The following RYR2 variants were observed in gnomAD, a reference collection of about 807,000 sequenced individuals.
RYR2 encodes cardiac muscle ryanodine receptor-calcium release channel.
A neutral mutation model predicts 601.1 loss-of-function variants in RYR2; 227 were observed. The ratio of observed to expected loss-of-function variants is 0.38; its 90% CI spans 0.34 to 0.42. RYR2 has a LOEUF of 0.42. Among genes scored for constraint, RYR2 ranks in the 10% least tolerant of loss-of-function variants. The pLI is 1.00. For missense variants in RYR2, 4,646 were observed against 6,156.5 expected (o/e 0.75, Z 8.21); for synonymous variants, 2,223 against 2,175.1 (o/e 1.02, Z -0.61).
intron 93 of RYR2, chr1:237,791,860 A>G (rs748251302): frequency 6.2e-5 from 36 of 580,318 alleles, no homozygotes; most frequent in Non-Finnish European, 1.0e-4. Context: ...TAGCCATCTA[A>G]TTTTTTAGCA....
At chr1:237,318,688 T>G (rs74147238) in intron 2 of RYR2, among the ~76,000 whole-genome samples, 13,932 of 152,150 alleles carry the variant, frequency 0.092, 1,480 homozygotes, top group African/African-American at 0.25. Context: ...ATATATCCAT[T>G]TGATGGGATG....
At chr1:237,177,285 C>T (rs1678162811) in intron 1 of RYR2, among the ~76,000 whole-genome samples, 1 of 152,074 alleles carries the variant, frequency 6.6e-6, no homozygotes, top group African/African-American at 2.4e-5. Flanking sequence ...TTAAACTTTA[C>T]ATATTTAAAA....
chr1:237,245,624 A>G (rs760491017), intron 1 of RYR2, among the ~76,000 whole-genome samples: 4 of 152,180 alleles, frequency 2.6e-5, no homozygotes, highest in Non-Finnish European at 5.9e-5. Flanking sequence ...CAACAAAGAT[A>G]ATGTTGGGAA....
rs1663654908 is a variant in RYR2, at chr1:237,830,517, C to A, written c.14656-13C>A. On this transcript the variant is annotated splice_polypyrimidine_tract_variant and intron_variant, in intron 102 of 104. Transcript: ENST00000366574. ...TCTGAACTCTGACGTTAATATTTCC[C>A]TTTGTTTTCTAGACCAAATGCTTCA... 3.9e-6 allele frequency: 6 copies of A among 1,526,114 alleles called. No homozygotes were observed. The highest frequency in any genetic ancestry group is 3.6e-6 in the Non-Finnish European group (4 of 1,099,742). 94.5% of individuals were successfully genotyped at this position (1,526,114 alleles called of 1,614,324 possible).
chr1:237,526,942 A>C (rs1464614612), intron 24 of RYR2, among the ~76,000 whole-genome samples: 2 of 152,166 alleles, frequency 1.3e-5, no homozygotes, highest in East Asian at 3.9e-4. Context: ...TAGGTCTTAC[A>C]TTTATATCTT....
intron 76 of RYR2, among the ~76,000 whole-genome samples, chr1:237,729,688 G>T (rs1230485797): frequency 6.6e-6 from 1 of 152,000 alleles, no homozygotes; most frequent in Non-Finnish European, 1.5e-5. Context: ...CTTCTCATCT[G>T]CACTGGTCTT....
At chr1:237,457,150 T>C (rs1485354517) in intron 16 of RYR2, among the ~76,000 whole-genome samples, 1 of 152,160 alleles carries the variant, frequency 6.6e-6, no homozygotes, top group East Asian at 1.9e-4. Context: ...GGGGCCTTTA[T>C]ATGGATGTGT....
intron 104 of RYR2, 88 bp downstream of exon 104, chr1:237,831,653 G>T: frequency 2.7e-6 from 2 of 752,032 alleles, no homozygotes; most frequent in Non-Finnish European, 2.2e-6. Context: ...AAACAGTGAG[G>T]CACGGAATTA....
At chr1:237,212,661 T>C (rs989328238) in intron 1 of RYR2, among the ~76,000 whole-genome samples, 1 of 152,156 alleles carries the variant, frequency 6.6e-6, no homozygotes, top group Non-Finnish European at 1.5e-5. Flanking sequence ...GCATGCACAT[T>C]TTAAAGTATT....
rs1657870980 is a variant in RYR2, at chr1:237,788,039, A to G, written c.13380A>G (p.Gln4460=). Residue 4460 remains glutamine (Q), a synonymous_variant, in exon 92 of 105, where the codon CAA becomes CAG. Coordinates refer to ENST00000366574, the MANE Select transcript of RYR2 (RefSeq NM_001035.3). ...EEKAKEDKGK[Q]KLRQLHTHRY... ...AAGCCAAGGAAGACAAGGGCAAACAAAAGTTGAGGCAGCTTCACACACACA... is the reference window on the plus strand; with the variant it reads ...AAGCCAAGGAAGACAAGGGCAAACAGAAGTTGAGGCAGCTTCACACACACA... 6.2e-7 allele frequency: 1 copy of G among 1,609,388 alleles called. No individual in the cohort carries two copies. Among genetic ancestry groups the G allele is most frequent in the South Asian group, 1.1e-5 (1 of 90,080 alleles).
At chr1:237,192,733 A>G (rs1680112847) in intron 1 of RYR2, among the ~76,000 whole-genome samples, 1 of 152,208 alleles carries the variant, frequency 6.6e-6, no homozygotes, top group Admixed American at 6.5e-5. Flanking sequence ...GGTTTAGAAC[A>G]GAGATACGTA....
intron 87 of RYR2, among the ~76,000 whole-genome samples, chr1:237,775,296 A>G (rs1694577882): frequency 6.6e-6 from 1 of 152,200 alleles, no homozygotes; most frequent in Non-Finnish European, 1.5e-5. Context: ...TGTCAAAACT[A>G]AGAAATTAAC....
At chr1:237,582,344 A>G (rs1559063285) in intron 29 of RYR2, among the ~76,000 whole-genome samples, 1 of 151,580 alleles carries the variant, frequency 6.6e-6, no homozygotes, top group African/African-American at 2.4e-5. Flanking sequence ...TCCTAACCTC[A>G]GATGATCTGC....
intron 74 of RYR2, among the ~76,000 whole-genome samples, chr1:237,724,558 T>C (rs1177259771): frequency 6.6e-6 from 1 of 151,958 alleles, no homozygotes; most frequent in African/African-American, 2.4e-5. Context: ...ATTTACGTTA[T>C]CTAATACCTT....
intron 1 of RYR2, among the ~76,000 whole-genome samples, chr1:237,188,516 A>G (rs1679613957): frequency 6.6e-6 from 1 of 152,156 alleles, no homozygotes; most frequent in Non-Finnish European, 1.5e-5. Flanking sequence ...TAAACCTCTG[A>G]GCTCAGTGCC....
intron 1 of RYR2, among the ~76,000 whole-genome samples, chr1:237,136,735 G>A (rs1438532145): frequency 1.3e-5 from 2 of 152,260 alleles, no homozygotes; most frequent in Non-Finnish European, 2.9e-5. Flanking sequence ...TGCTGAGCAG[G>A]CTGGGTGTGG....
chr1:237,530,086 T>G (rs1405036728), intron 24 of RYR2, among the ~76,000 whole-genome samples: 2 of 151,912 alleles, frequency 1.3e-5, no homozygotes, highest in Admixed American at 6.6e-5. Flanking sequence ...CCGAGATGGG[T>G]GGATCACGAG....
intron 29 of RYR2, among the ~76,000 whole-genome samples, chr1:237,580,454 G>T (rs1456270822): frequency 2.4e-5 from 3 of 126,920 alleles, no homozygotes; most frequent in Non-Finnish European, 5.0e-5. Flanking sequence ...ACTGCGCCAG[G>T]CCCCAACAAT....
At chr1:237,490,469 T>A (rs1312314307) in intron 17 of RYR2, among the ~76,000 whole-genome samples, 1 of 152,212 alleles carries the variant, frequency 6.6e-6, no homozygotes, top group African/African-American at 2.4e-5. Context: ...GATTTTATTT[T>A]AGCACAGAAT....
Sources: allele counts gnomAD v4.1 joint callset (sites outside exome capture counted in the v4.1 genomes callset), GRCh38; gene constraint gnomAD v4.1.1; transcripts MANE v1.5; gene names NCBI Gene and HGNC (gene_info 2026-07-23, HGNC 2026-07-21).